ROBO1: variants seen among roughly 807,000 people sequenced by gnomAD.
The protein encoded by ROBO1 is roundabout homolog 1.
ROBO1 carries 149 observed loss-of-function variants against 195.9 expected under a neutral mutation model. That is an observed-to-expected ratio of 0.76 (90% CI 0.67 to 0.87). The LOEUF is 0.87. ROBO1 is among the 40% of genes least tolerant of loss of function. The probability of loss-of-function intolerance (pLI) is 0.00; values close to 1 mark genes in which losing one functional copy is unlikely to be tolerated. For synonymous variants in ROBO1, 816 were observed against 733.2 expected (o/e 1.11, Z -1.82); for missense variants, 1,933 against 2,068.3 (o/e 0.93, Z 1.27).
At chr3:79,189,847 G>T (rs1361216756) in intron 2 of ROBO1, among the ~76,000 whole-genome samples, 1 of 151,606 alleles carries the variant, frequency 6.6e-6, no homozygotes, top group Non-Finnish European at 1.5e-5. Flanking sequence ...TATTTCAAAA[G>T]AGCAAATACA....
At chr3:79,758,198 T>C (rs935640466) in intron 1 of ROBO1, among the ~76,000 whole-genome samples, 4 of 152,224 alleles carry the variant, frequency 2.6e-5, no homozygotes, top group Non-Finnish European at 4.4e-5. Flanking sequence ...CACTGTCCAA[T>C]AGAACTTTCT....
intron 22 of ROBO1, among the ~76,000 whole-genome samples, chr3:78,639,225 G>A (rs1705764112): frequency 1.3e-5 from 2 of 151,364 alleles, no homozygotes; most frequent in African/African-American, 4.9e-5. Flanking sequence ...GGGAAGCCGA[G>A]GTGAATGGAT....
intron 2 of ROBO1, among the ~76,000 whole-genome samples, chr3:79,453,733 T>A (rs896273537): frequency 6.6e-6 from 1 of 151,966 alleles, no homozygotes; most frequent in Admixed American, 6.6e-5. Flanking sequence ...GCATGAGACA[T>A]CAGATAGTCA....
intron 2 of ROBO1, among the ~76,000 whole-genome samples, chr3:79,270,850 T>C (rs2108970536): frequency 6.6e-6 from 1 of 152,098 alleles, no homozygotes; most frequent in South Asian, 2.1e-4. Context: ...AGTTGAATTG[T>C]GCTTCACAAA....
chr3:79,011,435 T>C (rs2077772835), intron 3 of ROBO1, among the ~76,000 whole-genome samples: 1 of 152,156 alleles, frequency 6.6e-6, no homozygotes, highest in African/African-American at 2.4e-5. Flanking sequence ...AGACTTAGTG[T>C]ATCTCATTAG....
chr3:79,660,936 G>A (rs1438701039), intron 1 of ROBO1, among the ~76,000 whole-genome samples: 2 of 152,090 alleles, frequency 1.3e-5, no homozygotes, highest in African/African-American at 4.8e-5. Flanking sequence ...TAATTATCAA[G>A]TTTCAGCATT....
At chr3:79,658,819 G>T (rs1403493712) in intron 1 of ROBO1, among the ~76,000 whole-genome samples, 3 of 151,348 alleles carry the variant, frequency 2.0e-5, no homozygotes, top group Admixed American at 2.0e-4. Flanking sequence ...CCCAGGCTGA[G>T]GTGCAATGGT....
At chr3:78,709,636 A>G (rs1169110108) in intron 8 of ROBO1, among the ~76,000 whole-genome samples, 1 of 152,166 alleles carries the variant, frequency 6.6e-6, no homozygotes, top group African/African-American at 2.4e-5. Flanking sequence ...TAGTGGTGCA[A>G]TTACTTTCTA....
At chr3:79,378,724 C>T (rs2036468309) in intron 2 of ROBO1, among the ~76,000 whole-genome samples, 1 of 152,134 alleles carries the variant, frequency 6.6e-6, no homozygotes, top group Non-Finnish European at 1.5e-5. Context: ...CGCCTTTACA[C>T]CTTATATGCT....
intron 2 of ROBO1, among the ~76,000 whole-genome samples, chr3:79,338,224 A>G (rs1349681965): frequency 1.3e-5 from 2 of 152,224 alleles, no homozygotes; most frequent in Non-Finnish European, 2.9e-5. Flanking sequence ...TACTTATGAA[A>G]TCCAGGCACC....
At chr3:79,044,458 C>A (rs907559470) in intron 3 of ROBO1, among the ~76,000 whole-genome samples, 1 of 152,062 alleles carries the variant, frequency 6.6e-6, no homozygotes, top group African/African-American at 2.4e-5. Flanking sequence ...TATTACATGA[C>A]CTACATTCTA....
chr3:78,711,456 C>CT (rs2081741237), intron 8 of ROBO1, among the ~76,000 whole-genome samples: 1 of 102,036 alleles, frequency 9.8e-6, no homozygotes, highest in African/African-American at 4.5e-5. Flanking sequence ...TCCTTCCTTC[C>CT]TTCCTTCCTT....
At chr3:78,763,889 A>G (rs1013334999) in intron 4 of ROBO1, among the ~76,000 whole-genome samples, 3 of 152,172 alleles carry the variant, frequency 2.0e-5, no homozygotes, top group African/African-American at 7.2e-5. Flanking sequence ...CCTACATAGA[A>G]AGTGTGAACA....
rs2311987 is a variant in ROBO1 at position 78,952,984 on chromosome 3, T to C, written c.173-14057A>G. On this transcript the variant is annotated intron_variant, in intron 3 of 30. Coordinates refer to ENST00000464233, the MANE Select transcript of ROBO1 (RefSeq NM_002941.4). ...ATAGACCAAAAGGAAATTCCAGGAG[T>C]GAATGCCTGGTGTTTTTGTAATATT... 9.3e-3 allele frequency among the ~76,000 whole-genome samples: 1,412 copies of C among 151,930 alleles called. 31 individuals are homozygous for C. Among genetic ancestry groups the C allele is most frequent in the African/African-American group, 0.033 (1,357 of 41,474 alleles).
At chr3:78,827,240 A>C (rs1388437472) in intron 4 of ROBO1, among the ~76,000 whole-genome samples, 2 of 152,204 alleles carry the variant, frequency 1.3e-5, no homozygotes, top group Non-Finnish European at 2.9e-5. Context: ...AAGTATGATT[A>C]AACTATATAT....
intron 4 of ROBO1, among the ~76,000 whole-genome samples, chr3:78,908,142 A>ATATATT (rs2307583): frequency 0.39 from 58,629 of 151,404 alleles, 12,344 homozygotes; most frequent in African/African-American, 0.57. Context: ...AAGAAGAAAT[A>ATATATT]TATAACTGAA....
Position 78,737,979 on chromosome 3 carries a change from T to G in ROBO1, c.657+8764A>C, listed in dbSNP as rs75625785. Reference sequence around the variant, plus strand: ...AACTTCTTAGGGAAAAGGGGCTTTATGACATCAGCTGTATTAAGTATGTTA... The same window carrying G: ...AACTTCTTAGGGAAAAGGGGCTTTAGGACATCAGCTGTATTAAGTATGTTA... On this transcript the variant is annotated intron_variant, in intron 5 of 30. Transcript: ENST00000464233. 1.8e-3 allele frequency among the ~76,000 whole-genome samples: 278 copies of G among 152,286 alleles called. 3 individuals are homozygous for G. Among genetic ancestry groups the G allele is most frequent in the African/African-American group, 6.1e-3 (254 of 41,566 alleles).
chr3:79,198,759 T>C (rs1048707427), intron 2 of ROBO1, among the ~76,000 whole-genome samples: 1 of 152,086 alleles, frequency 6.6e-6, no homozygotes, highest in Non-Finnish European at 1.5e-5. Context: ...TTCACATCCC[T>C]TGTAAGTTGG....
chr3:79,698,307 A>G (rs1947505750), intron 1 of ROBO1, among the ~76,000 whole-genome samples: 1 of 151,480 alleles, frequency 6.6e-6, no homozygotes, highest in Admixed American at 6.6e-5. Flanking sequence ...AATCATAACT[A>G]TTAATTTTAT....
Sources: allele counts gnomAD v4.1 joint callset (sites outside exome capture counted in the v4.1 genomes callset), GRCh38; gene constraint gnomAD v4.1.1; transcripts MANE v1.5; gene names NCBI Gene and HGNC (gene_info 2026-07-23, HGNC 2026-07-21).